Variants in ARHGAP35 observed in about 807,000 individuals in gnomAD.
ARHGAP35 encodes the protein Rho GTPase activating protein 35, also known as rho GTPase-activating protein 35.
ARHGAP35 carries 15 observed loss-of-function variants against 111.1 expected under a neutral mutation model. The observed-to-expected ratio is 0.13, with a 90% CI of 0.09 to 0.21. ARHGAP35 has a LOEUF of 0.21. Ranked by LOEUF, ARHGAP35 falls within the 10% of genes least tolerant of loss-of-function variation. The probability of loss-of-function intolerance (pLI) is 1.00; values close to 1 mark genes in which losing one functional copy is unlikely to be tolerated. For missense variants in ARHGAP35, 1,262 were observed against 1,873.0 expected (o/e 0.67, Z 6.02); for synonymous variants, 643 against 710.3 (o/e 0.91, Z 1.51).
intron 1 of ARHGAP35, among the ~76,000 whole-genome samples, chr19:46,865,886 G>A (rs550805223): frequency 2.0e-5 from 3 of 152,258 alleles, no homozygotes; most frequent in African/African-American, 4.8e-5. Flanking sequence ...TGTTGCCCAG[G>A]CTGGAGTGCA....
intron 2 of ARHGAP35, among the ~76,000 whole-genome samples, chr19:46,936,102 T>A (rs1442674819): frequency 6.6e-6 from 1 of 152,140 alleles, no homozygotes; most frequent in African/African-American, 2.4e-5. Flanking sequence ...AATTTAAAAA[T>A]TAGCCTGGGT....
intron 1 of ARHGAP35, among the ~76,000 whole-genome samples, chr19:46,889,247 C>T (rs970587580): frequency 1.7e-4 from 26 of 152,254 alleles, no homozygotes; most frequent in Admixed American, 1.0e-3. Flanking sequence ...GGGCAGTTCA[C>T]GAGGTCAGTA....
At chr19:46,935,656 T>C (rs2056303618) in intron 2 of ARHGAP35, among the ~76,000 whole-genome samples, 1 of 152,212 alleles carries the variant, frequency 6.6e-6, no homozygotes, top group East Asian at 1.9e-4. Context: ...TCTGAGTAAA[T>C]CTGCTTTTCT....
At chr19:46,949,020 G>T (rs2056396979) in intron 3 of ARHGAP35, 1 of 152,272 alleles carries the variant, frequency 6.6e-6, no homozygotes, top group Admixed American at 6.5e-5. Flanking sequence ...AGCCAGGAGT[G>T]GTGGCGGGCG....
At chr19:46,979,138 A>G (rs1009947515) in intron 3 of ARHGAP35, among the ~76,000 whole-genome samples, 1 of 151,368 alleles carries the variant, frequency 6.6e-6, no homozygotes, top group African/African-American at 2.4e-5. Flanking sequence ...GTACACCTGT[A>G]TTGTGCTCGC....
At chr19:46,890,579 G>C (rs1376013787) in intron 1 of ARHGAP35, among the ~76,000 whole-genome samples, 1 of 152,206 alleles carries the variant, frequency 6.6e-6, no homozygotes, top group Non-Finnish European at 1.5e-5. Context: ...GGTAGAACAG[G>C]AACACAGGAG....
intron 1 of ARHGAP35, among the ~76,000 whole-genome samples, chr19:46,864,412 T>C (rs1255818129): frequency 6.6e-6 from 1 of 152,222 alleles, no homozygotes; most frequent in Non-Finnish European, 1.5e-5. Context: ...TTTTCCCTGC[T>C]GTGGCCTAGG....
intron 3 of ARHGAP35, among the ~76,000 whole-genome samples, chr19:46,949,613 G>T (rs1361125056): frequency 1.3e-5 from 2 of 152,226 alleles, no homozygotes; most frequent in Admixed American, 1.3e-4. Flanking sequence ...CTAGTCAGAT[G>T]TGAAACCCAT....
intron 1 of ARHGAP35, among the ~76,000 whole-genome samples, chr19:46,874,600 G>A (rs933390150): frequency 4.1e-5 from 6 of 147,500 alleles, no homozygotes; most frequent in East Asian, 2.0e-4. Context: ...CGCCTCCTGC[G>A]TTCAAGCGAT....
At position 46,988,452 on chromosome 19, in the gene ARHGAP35, T is replaced by A; in HGVS notation, c.3904+386T>A. On this transcript the variant is annotated intron_variant, in intron 4 of 6. Coordinates refer to ENST00000672722, the MANE Select transcript of ARHGAP35 (RefSeq NM_004491.5). The surrounding 1 kb of genome is among the most constrained non-coding windows in gnomAD (Gnocchi z 5.4). ...GATGTGATCCTGTTTTGCCAGGGCC[T>A]CAGATCTACCCTCCTCACAAAGTCC... is the stretch of plus-strand genomic sequence containing the variant. The A allele has an allele frequency of 1.5e-4, 33 of 223,104 alleles. No individual in the cohort carries two copies. The East Asian group carries it at 2.0e-3, about 13-fold the overall frequency. The allele number at this position is 223,104 out of a possible 1,614,324, so 13.8% of individuals were successfully genotyped here.
chr19:46,984,749 T>C (rs1208019960), intron 3 of ARHGAP35, among the ~76,000 whole-genome samples: 1 of 152,250 alleles, frequency 6.6e-6, no homozygotes, highest in Non-Finnish European at 1.5e-5. Flanking sequence ...TTTCCAGTGC[T>C]TCCATTTGTG....
chr19:46,928,791 GTGTGGTGGTGGACGCCTATAATCCCAGC>G (rs2056254078), intron 2 of ARHGAP35, among the ~76,000 whole-genome samples: 1 of 152,064 alleles, frequency 6.6e-6, no homozygotes, highest in Non-Finnish European at 1.5e-5. Flanking sequence ...AATTAGCCAG[GTGTGGTGGTGGACGCCTATAATCCCAGC>G]TACTCGGGAG....
chr19:46,926,757 T>G lies in ARHGAP35; in HGVS notation c.3681+4401T>G, dbSNP rs1379255702. Among the ~76,000 whole-genome samples the G allele has an allele frequency of 6.6e-6, 1 of 152,224 alleles. No homozygotes were observed. Among genetic ancestry groups the G allele is most frequent in the Admixed American group, 6.5e-5 (1 of 15,286 alleles). Reference sequence around the variant, plus strand: ...ATTGTTTGGTCTATAAGGCACCAAGTAACCAGTTTGACAGTTTGTGTCCCC... The same window carrying G: ...ATTGTTTGGTCTATAAGGCACCAAGGAACCAGTTTGACAGTTTGTGTCCCC... On this transcript the variant is annotated intron_variant, in intron 2 of 6. Transcript: ENST00000672722. The surrounding 1 kb of genome is among the most constrained non-coding windows in gnomAD (Gnocchi z 4.1).
chr19:46,897,464 C>T (rs1178150646), intron 1 of ARHGAP35, among the ~76,000 whole-genome samples: 5 of 144,754 alleles, frequency 3.5e-5, no homozygotes, highest in East Asian at 2.0e-4. Context: ...TTTTTTTTTA[C>T]GACCTCCAAC....
At chr19:46,888,135 G>C (rs1185273885) in intron 1 of ARHGAP35, among the ~76,000 whole-genome samples, 1 of 149,336 alleles carries the variant, frequency 6.7e-6, no homozygotes, top group Non-Finnish European at 1.5e-5. Flanking sequence ...TGTATTTTTA[G>C]TAGAGACGGG....
At chr19:46,861,274 G>T (rs1051517307) in intron 1 of ARHGAP35, among the ~76,000 whole-genome samples, 65 bp downstream of exon 1, 1 of 151,048 alleles carries the variant, frequency 6.6e-6, no homozygotes, top group Admixed American at 6.6e-5. Flanking sequence ...CGGGGTCCAG[G>T]GGGAGGCGGG....
rs751208887 is a variant in ARHGAP35 at position 46,920,995 on chromosome 19, A to G, written c.2320A>G (p.Ile774Val). The G allele has an allele frequency of 1.2e-6, 2 of 1,614,032 alleles. No homozygotes were observed. Among genetic ancestry groups the G allele is most frequent in the African/African-American group, 2.7e-5 (2 of 75,058 alleles). Residue 774 changes from isoleucine to valine, a missense_variant, in exon 2 of 7, where the codon ATC becomes GTC. Physicochemically the swap from Ile to Val is conservative, Grantham distance 29. Coordinates refer to ENST00000672722, the MANE Select transcript of ARHGAP35 (RefSeq NM_004491.5). The surrounding 1 kb of genome is among the most constrained non-coding windows in gnomAD (Gnocchi z 7.0). ...NLNLVSSTASIKDLADVDLRI... is the reference protein window; with the variant it reads ...NLNLVSSTASVKDLADVDLRI... ...AAACCTGGTCAGTTCTACTGCTAGC[A>G]TCAAAGATTTGGCTGATGTTGATCT...
rs190048732 is a variant in ARHGAP35, at chr19:46,923,018, G to A, written c.3681+662G>A. Among the ~76,000 whole-genome samples, 910 of 151,686 alleles carry A rather than the reference G, an allele frequency of 6.0e-3. 5 individuals carry two copies. Among genetic ancestry groups the A allele is most frequent in the South Asian group, 0.02 (96 of 4,820 alleles). ...TTATTTAGGGATCACAAATGGTGCA[G>A]GGAGAGAAAAGAAAAAGTTAACTGT... On this transcript the variant is annotated intron_variant, in intron 2 of 6. Coordinates refer to ENST00000672722, the MANE Select transcript of ARHGAP35 (RefSeq NM_004491.5).
chr19:46,958,272 T>C (rs1439235998), intron 3 of ARHGAP35, among the ~76,000 whole-genome samples: 7 of 151,370 alleles, frequency 4.6e-5, no homozygotes, highest in Non-Finnish European at 1.0e-4. Flanking sequence ...TAGTCCCAGC[T>C]ACTCCGGAGG....
Sources: allele counts gnomAD v4.1 joint callset (sites outside exome capture counted in the v4.1 genomes callset), GRCh38; gene constraint gnomAD v4.1.1; non-coding constraint Gnocchi (gnomAD v3.1); transcripts MANE v1.5; gene names NCBI Gene and HGNC (gene_info 2026-07-23, HGNC 2026-07-21).